SCHIP1: variants seen among roughly 807,000 people sequenced by gnomAD.
SCHIP1 encodes the protein schwannomin interacting protein 1, also known as schwannomin-interacting protein 1.
Under a neutral mutation model 29.7 loss-of-function variants are expected in SCHIP1, and 8 were observed. That is an observed-to-expected ratio of 0.27 (90% CI 0.16 to 0.49). SCHIP1 has a LOEUF of 0.49. SCHIP1 is among the 20% of genes least tolerant of loss of function. The probability of loss-of-function intolerance (pLI) is 0.99; values close to 1 mark genes in which losing one functional copy is unlikely to be tolerated. For missense variants in SCHIP1, 193 were observed against 294.6 expected, an observed-to-expected ratio of 0.66 and a Z score of 2.52; for synonymous variants, 76 against 94.9, an observed-to-expected ratio of 0.80 and a Z score of 1.16.
chr3:159,626,103 TAGATAGATAG>T, the SCHIP1 span, among the ~76,000 whole-genome samples: 2 of 112,344 alleles, frequency 1.8e-5, no homozygotes, highest in African/African-American at 1.3e-4. Flanking sequence ...GATAGATAGA[TAGATAGATAG>T]ATAGATAGAT....
At chr3:159,357,190 C>A in the SCHIP1 span, among the ~76,000 whole-genome samples, 1 of 152,110 alleles carries the variant, frequency 6.6e-6, no homozygotes, top group African/African-American at 2.4e-5. Flanking sequence ...CATCATGTTT[C>A]GCTGTCTAGC....
At chr3:159,723,872 A>G in the SCHIP1 span, among the ~76,000 whole-genome samples, 6 of 152,250 alleles carry the variant, frequency 3.9e-5, no homozygotes, top group African/African-American at 1.4e-4. Context: ...AACCTTGACC[A>G]AAACACTGTG....
intron 2 of SCHIP1, among the ~76,000 whole-genome samples, chr3:159,868,244 C>T (rs2109277343): frequency 6.6e-6 from 1 of 150,890 alleles, no homozygotes; most frequent in East Asian, 2.0e-4. Context: ...TTATATTATC[C>T]TTGTGCCACT....
the SCHIP1 span, among the ~76,000 whole-genome samples, chr3:159,734,439 CCATA>C: frequency 6.6e-6 from 1 of 151,822 alleles, no homozygotes; most frequent in Admixed American, 6.6e-5. Flanking sequence ...AGTGCCCAGC[CCATA>C]CTGTTATCTT....
At chr3:159,282,075 A>G in the SCHIP1 span, among the ~76,000 whole-genome samples, 5 of 152,150 alleles carry the variant, frequency 3.3e-5, no homozygotes, top group Non-Finnish European at 7.4e-5. Context: ...ACATAGACAT[A>G]TAATTTATTG....
the SCHIP1 span, among the ~76,000 whole-genome samples, chr3:159,808,757 C>A: frequency 6.6e-6 from 1 of 152,032 alleles, no homozygotes; most frequent in African/African-American, 2.4e-5. Context: ...GCAGACACTT[C>A]ATTATATACA....
the SCHIP1 span, among the ~76,000 whole-genome samples, chr3:159,626,203 G>A: frequency 2.6e-5 from 3 of 115,858 alleles, no homozygotes; most frequent in Admixed American, 7.9e-5. Flanking sequence ...TAGATAGATA[G>A]ATAGATATAT....
At chr3:159,342,315 T>C in the SCHIP1 span, among the ~76,000 whole-genome samples, 1 of 152,168 alleles carries the variant, frequency 6.6e-6, no homozygotes, top group Admixed American at 6.5e-5. Flanking sequence ...ATTTTAAATA[T>C]CCCTGATTTA....
chr3:159,334,983 T>C, the SCHIP1 span, among the ~76,000 whole-genome samples: 1 of 151,764 alleles, frequency 6.6e-6, no homozygotes. Flanking sequence ...TCATGACAAC[T>C]TCTGCCTCTG....
the SCHIP1 span, among the ~76,000 whole-genome samples, chr3:159,434,299 G>C: frequency 6.6e-6 from 1 of 152,084 alleles, no homozygotes; most frequent in Admixed American, 6.6e-5. Context: ...GGGACACTGA[G>C]AGAGAGAGGA....
the SCHIP1 span, among the ~76,000 whole-genome samples, chr3:159,624,837 T>C: frequency 2.0e-5 from 3 of 152,110 alleles, no homozygotes; most frequent in Non-Finnish European, 2.9e-5. Flanking sequence ...AGGGACTTGT[T>C]TGGGATTTTT....
the SCHIP1 span, among the ~76,000 whole-genome samples, chr3:159,371,417 T>TTCA: frequency 1.3e-5 from 2 of 152,170 alleles, no homozygotes; most frequent in African/African-American, 4.8e-5. Context: ...TGAGGAAGAT[T>TTCA]TCACGGAAGA....
At chr3:159,292,720 A>G in the SCHIP1 span, among the ~76,000 whole-genome samples, 1 of 152,226 alleles carries the variant, frequency 6.6e-6, no homozygotes, top group Non-Finnish European at 1.5e-5. Flanking sequence ...GATTTTTAAT[A>G]TGTAATCGGT....
chr3:159,866,041 G>A (rs576024503), intron 1 of SCHIP1, 122 bp from the exon 3 acceptor site: 95 of 818,082 alleles, frequency 1.2e-4, no homozygotes, highest in Non-Finnish European at 1.5e-4. Context: ...CTCTTATGCC[G>A]CAGCCTATTT....
At chr3:159,832,556 T>G in the SCHIP1 span, among the ~76,000 whole-genome samples, 1 of 152,170 alleles carries the variant, frequency 6.6e-6, no homozygotes, top group Non-Finnish European at 1.5e-5. Context: ...ACCACCCAGC[T>G]TCCACCCCTA....
At chr3:159,476,954 C>T in the SCHIP1 span, among the ~76,000 whole-genome samples, 2 of 152,092 alleles carry the variant, frequency 1.3e-5, no homozygotes, top group Non-Finnish European at 2.9e-5. Context: ...CCTTCCTTTC[C>T]CCTTCCCCAG....
the SCHIP1 span, among the ~76,000 whole-genome samples, chr3:159,372,058 T>C: frequency 3.3e-5 from 5 of 152,168 alleles, no homozygotes; most frequent in Admixed American, 6.5e-5. Context: ...TTTATTGAAA[T>C]AGCTTCTCAG....
the SCHIP1 span, among the ~76,000 whole-genome samples, chr3:159,606,206 C>T: frequency 2.6e-5 from 4 of 152,198 alleles, no homozygotes; most frequent in African/African-American, 9.7e-5. Context: ...AATAAATTCA[C>T]AGCACTCACT....
At chr3:159,481,631 T>C in the SCHIP1 span, among the ~76,000 whole-genome samples, 3 of 152,088 alleles carry the variant, frequency 2.0e-5, no homozygotes, top group Non-Finnish European at 4.4e-5. Flanking sequence ...TTCTGAGAGG[T>C]AGGAGTAACT....
Sources: allele counts gnomAD v4.1 joint callset (sites outside exome capture counted in the v4.1 genomes callset), GRCh38; gene constraint gnomAD v4.1.1; transcripts MANE v1.5; gene names NCBI Gene and HGNC (gene_info 2026-07-23, HGNC 2026-07-21).